PTCHD4: variants seen among roughly 807,000 people sequenced by gnomAD.
The protein encoded by PTCHD4 is patched domain-containing protein 4.
In PTCHD4, 33 loss-of-function variants were observed where a neutral mutation model predicts 58.1. That is an observed-to-expected ratio of 0.57 (90% CI 0.43 to 0.76). The LOEUF (loss-of-function observed/expected upper bound fraction) is 0.76. Among genes scored for constraint, PTCHD4 ranks in the 30% least tolerant of loss-of-function variants. PTCHD4 has a pLI of 0.00. For synonymous variants in PTCHD4, 478 were observed against 409.6 expected (o/e 1.17, Z -2.02); for missense variants, 1,058 against 1,027.1 (o/e 1.03, Z -0.41).
rs1342919991 is a variant in PTCHD4, at chr6:48,104,500, C to T, written c.-970+6549G>A. Among the ~76,000 whole-genome samples the T allele has an allele frequency of 2.6e-5, 4 of 152,048 alleles. No homozygotes were observed. In the East Asian group the frequency reaches 7.7e-4, roughly 29 times the overall value. ...CGGTACCAGCCAGTGCAAAAACATG[C>T]CAAATTGTAAAGACCATCAAGGCTA... On this transcript the variant is annotated intron_variant, in intron 1 of 4. Transcript: ENST00000339488.
intron 3 of PTCHD4, among the ~76,000 whole-genome samples, chr6:48,048,538 T>C (rs1161178267): frequency 2.0e-5 from 3 of 151,920 alleles, no homozygotes; most frequent in Non-Finnish European, 4.4e-5. Flanking sequence ...GCAAATAACA[T>C]TTTTTCTACA....
intron 4 of PTCHD4, among the ~76,000 whole-genome samples, chr6:47,981,719 T>C (rs1362326061): frequency 6.6e-6 from 1 of 152,170 alleles, no homozygotes; most frequent in African/African-American, 2.4e-5. Flanking sequence ...CCTCAAGCAG[T>C]CTTAAAATCT....
chr6:48,014,621 T>C (rs1762804311), intron 3 of PTCHD4, among the ~76,000 whole-genome samples: 1 of 152,304 alleles, frequency 6.6e-6, no homozygotes, highest in Non-Finnish European at 1.5e-5. Context: ...AATAATTAAG[T>C]AATTTTCAGC....
chr6:47,985,672 G>T (rs1768040079), intron 4 of PTCHD4, among the ~76,000 whole-genome samples: 1 of 151,458 alleles, frequency 6.6e-6, no homozygotes, highest in Non-Finnish European at 1.5e-5. Flanking sequence ...ATTTTTTATT[G>T]CCATGCCCTA....
chr6:47,955,264 A>G (rs1766812030), intron 4 of PTCHD4, among the ~76,000 whole-genome samples: 1 of 152,246 alleles, frequency 6.6e-6, no homozygotes, highest in Non-Finnish European at 1.5e-5. Context: ...TAATGTAAGG[A>G]ACCATATACT....
At chr6:47,966,687 C>T (rs567826124) in intron 4 of PTCHD4, among the ~76,000 whole-genome samples, 2 of 152,170 alleles carry the variant, frequency 1.3e-5, no homozygotes, top group Non-Finnish European at 2.9e-5. Context: ...GTCATTTCAA[C>T]AATGTTCAGA....
intron 4 of PTCHD4, among the ~76,000 whole-genome samples, chr6:47,960,604 G>C (rs929531618): frequency 1.2e-4 from 18 of 151,830 alleles, no homozygotes; most frequent in Non-Finnish European, 2.2e-4. Context: ...ATACCACCAG[G>C]AATAATGAAG....
intron 4 of PTCHD4, among the ~76,000 whole-genome samples, chr6:47,925,108 A>C (rs1235488483): frequency 6.7e-6 from 1 of 150,280 alleles, no homozygotes; most frequent in African/African-American, 2.4e-5. Context: ...TTATATATAC[A>C]TATGTATACA....
intron 1 of PTCHD4, among the ~76,000 whole-genome samples, chr6:48,103,287 C>T (rs1031642177): frequency 3.9e-5 from 6 of 152,162 alleles, no homozygotes; most frequent in Non-Finnish European, 5.9e-5. Flanking sequence ...GCAGCATTTG[C>T]GGTTCACCAA....
chr6:47,982,391 T>C (rs1213327912), intron 4 of PTCHD4, among the ~76,000 whole-genome samples: 1 of 152,082 alleles, frequency 6.6e-6, no homozygotes, highest in Non-Finnish European at 1.5e-5. Flanking sequence ...GCCTGTCATG[T>C]CCTAAACAGT....
intron 4 of PTCHD4, among the ~76,000 whole-genome samples, chr6:47,923,978 AC>A (rs1348043562): frequency 1.3e-5 from 2 of 152,200 alleles, no homozygotes; most frequent in African/African-American, 4.8e-5. Flanking sequence ...CGAATGGGGA[AC>A]AAAAAACTAA....
At chr6:47,936,441 A>C (rs959446732) in intron 4 of PTCHD4, among the ~76,000 whole-genome samples, 4 of 152,204 alleles carry the variant, frequency 2.6e-5, no homozygotes, top group East Asian at 1.9e-4. Context: ...CATTTCCTCA[A>C]ACATAATTTC....
chr6:47,897,314 T>A (rs1764555120), intron 4 of PTCHD4, among the ~76,000 whole-genome samples: 1 of 152,218 alleles, frequency 6.6e-6, no homozygotes, highest in Admixed American at 6.5e-5. Context: ...AGTAAGTAAG[T>A]GGAATCTCAT....
rs2113881561 is a variant in PTCHD4, at chr6:48,069,049, G to C, written c.-92C>G. ...GTGGTTCCGTGTGGAGCGTCCCACAGATGTGGATTTCCTCTCTGTCTTGGT... is the reference window on the plus strand; with the variant it reads ...GTGGTTCCGTGTGGAGCGTCCCACACATGTGGATTTCCTCTCTGTCTTGGT... On this transcript the variant is annotated 5_prime_UTR_variant, in exon 2 of 5. It adds an upstream start codon to the 5' untranslated region. Coordinates refer to ENST00000339488, the MANE Select transcript of PTCHD4 (RefSeq NM_001384253.1). Among the ~76,000 whole-genome samples the C allele has an allele frequency of 6.7e-6, 1 of 148,258 alleles. No individual in the cohort carries two copies. The highest frequency in any genetic ancestry group is 2.2e-4 in the South Asian group (1 of 4,542).
Position 47,879,775 on chromosome 6 carries a change from G to A in PTCHD4, c.1060C>T (p.Pro354Ser), listed in dbSNP as rs1426302972. The A allele has an allele frequency of 6.2e-7, 1 of 1,613,554 alleles. No homozygotes were observed. The highest frequency in any genetic ancestry group is 1.1e-5 in the South Asian group (1 of 91,064). ...TTCACAGCCTCTATGTTTGTGAATG[G>A]GCTGGCACCCATGCCAAAAGTGATG... is the stretch of plus-strand genomic sequence containing the variant. Reference protein sequence around the residue: ...YFITFGMGASPFTNIEAVKVF... With the variant: ...YFITFGMGASSFTNIEAVKVF... The change falls in exon 5 of 5, where the codon CCA becomes TCA. Residue 354 changes from proline (P) to serine (S), a missense_variant. By Grantham distance (74) the Pro-to-Ser change is moderately conservative. Coordinates refer to ENST00000339488, the MANE Select transcript of PTCHD4 (RefSeq NM_001384253.1).
rs554281784 is a variant in PTCHD4 at position 47,872,212 on chromosome 6, T to C, written c.*6091A>G. Among the ~76,000 whole-genome samples, 13 of 151,796 alleles carry C rather than the reference T, an allele frequency of 8.6e-5. No homozygotes were observed. In the South Asian group the frequency reaches 2.7e-3, roughly 31 times the overall value. On this transcript the variant is annotated 3_prime_UTR_variant, in exon 5 of 5. Transcript: ENST00000339488. Reference sequence around the variant, plus strand: ...CTACTGAGAATATAAGTTAAATTTATATAGCACTGAAAAGTTATACATTTT... The same window carrying C: ...CTACTGAGAATATAAGTTAAATTTACATAGCACTGAAAAGTTATACATTTT...
At chr6:47,914,410 G>A (rs185529312) in intron 4 of PTCHD4, among the ~76,000 whole-genome samples, 48 of 152,170 alleles carry the variant, frequency 3.2e-4, no homozygotes, top group African/African-American at 1.1e-3. Flanking sequence ...CCCAGTGGAG[G>A]TGAGAGTAGA....
chr6:47,887,609 T>C (rs77283940), intron 4 of PTCHD4, among the ~76,000 whole-genome samples: 2,191 of 152,278 alleles, frequency 0.014, 57 homozygotes, highest in African/African-American at 0.05. Flanking sequence ...GAATGGAATA[T>C]GAAATGAAAT....
intron 4 of PTCHD4, among the ~76,000 whole-genome samples, chr6:47,905,078 CACACACAT>C (rs1162566390): frequency 6.6e-6 from 1 of 150,694 alleles, no homozygotes; most frequent in East Asian, 1.9e-4. Context: ...CACACACACA[CACACACAT>C]AAATGAATGG....
Sources: gnomAD v4.1 joint callset for allele counts (sites outside exome capture counted in the v4.1 genomes callset) on GRCh38, gnomAD v4.1.1 for gene constraint, MANE v1.5 for transcripts, NCBI Gene and HGNC (gene_info 2026-07-23, HGNC 2026-07-21) for gene names.